Variants in TRIOBP observed in about 807,000 individuals in gnomAD.
The protein encoded by TRIOBP is TRIO and F-actin binding protein, also known as TRIO and F-actin-binding protein.
In TRIOBP, 169 loss-of-function variants were observed where a neutral mutation model predicts 238.8. The ratio of observed to expected loss-of-function variants is 0.71; its 90% CI spans 0.62 to 0.80. The LOEUF is 0.80. Ranked by LOEUF, TRIOBP falls within the 30% of genes least tolerant of loss-of-function variation. The pLI is 0.00. For missense variants in TRIOBP, 2,838 were observed against 3,122.6 expected (o/e 0.91, Z 2.17); for synonymous variants, 1,150 against 1,274.4 (o/e 0.90, Z 2.08).
Position 37,726,092 on chromosome 22 carries a change from G to A in TRIOBP, c.3536G>A (p.Arg1179His), listed in dbSNP as rs771635907. 123 of 1,554,884 alleles carry A rather than the reference G, an allele frequency of 7.9e-5. No homozygotes were observed. Among genetic ancestry groups the A allele is most frequent in the Middle Eastern group, 1.7e-4 (1 of 5,836 alleles). Residue 1179 changes from arginine to histidine, a missense_variant, in exon 7 of 24, where the codon CGC becomes CAC. Physicochemically the swap from Arg to His is conservative, Grantham distance 29. Coordinates refer to ENST00000644935, the MANE Select transcript of TRIOBP (RefSeq NM_001039141.3). Reference protein sequence around the residue: ...RDAPSFSSPPRQAPEPSLFFQ... With the variant: ...RDAPSFSSPPHQAPEPSLFFQ... ...GCACCCTCCTTCTCATCCCCACCAC[G>A]CCAGGCTCCTGAGCCATCCCTCTTC...
At position 37,725,312 on chromosome 22, in the gene TRIOBP, C is replaced by A. The variant is rs1325388429; in HGVS notation, c.2756C>A (p.Pro919His). 6.2e-7 allele frequency: 1 copy of A among 1,613,882 alleles called. No individual in the cohort carries two copies. Among genetic ancestry groups the A allele is most frequent in the South Asian group, 1.1e-5 (1 of 91,076 alleles). Residue 919 changes from proline to histidine, a missense_variant, in exon 7 of 24, where the codon CCC becomes CAC. Around this residue, in one of 5 missense-constraint regions of TRIOBP, gnomAD observed 2,096 missense variants for 2,137.4 expected, o/e 0.98. Transcript: ENST00000644935. ...FPLRPTQSDG[P>H]RTSSPSRSKQ... The stretch of plus-strand genomic sequence containing the variant: ...CTCCGGCCAACTCAGAGTGATGGTC[C>A]CCGAACCTCTTCCCCATCTCGCTCC...
At chr22:37,720,542 G>GT (rs1489211749) in intron 6 of TRIOBP, among the ~76,000 whole-genome samples, 2 of 152,170 alleles carry the variant, frequency 1.3e-5, no homozygotes, top group Non-Finnish European at 2.9e-5. Flanking sequence ...TTTAAAAAAA[G>GT]TCTCCCTGGA....
chr22:37,772,790 A>C (rs769189624), intron 23 of TRIOBP, 26 bp downstream of exon 23: 37 of 1,607,404 alleles, frequency 2.3e-5, no homozygotes, highest in Non-Finnish European at 3.1e-5. Context: ...TGTGCCCTGC[A>C]GGGTGGGCAG....
chr22:37,726,073 T>C lies in TRIOBP; in HGVS notation c.3517T>C (p.Ser1173Pro), dbSNP rs867570366. The change falls in exon 7 of 24, where the codon TCC becomes CCC. Residue 1173 changes from serine (S) to proline (P), a missense_variant. Coordinates refer to ENST00000644935, the MANE Select transcript of TRIOBP (RefSeq NM_001039141.3). ...PVCIGHRDAPSFSSPPRQAPE... is the reference protein window; with the variant it reads ...PVCIGHRDAPPFSSPPRQAPE... Reference sequence around the variant, plus strand: ...GTGCATTGGGCACCGGGATGCACCCTCCTTCTCATCCCCACCACGCCAGGC... The same window carrying C: ...GTGCATTGGGCACCGGGATGCACCCCCCTTCTCATCCCCACCACGCCAGGC... 4 of 1,579,462 alleles carry C rather than the reference T, an allele frequency of 2.5e-6. No homozygotes were observed. The highest frequency in any genetic ancestry group is 2.9e-5 in the African/African-American group (2 of 69,102).
At chr22:37,740,395 C>T (rs184404656) in intron 10 of TRIOBP, among the ~76,000 whole-genome samples, 14 of 152,322 alleles carry the variant, frequency 9.2e-5, no homozygotes, top group Admixed American at 2.6e-4. Flanking sequence ...ACAAACCTAA[C>T]GCCCTGAAGG....
In TRIOBP at chr22:37,713,414, G is replaced by A. The variant is rs764083607; in HGVS notation, c.456+3G>A. 1.2e-6 allele frequency: 2 copies of A among 1,612,338 alleles called. 1 individual carries two copies. The highest frequency in any genetic ancestry group is 2.2e-5 in the South Asian group (2 of 91,086). On this transcript the variant is annotated splice_donor_region_variant and intron_variant, in intron 5 of 23. Transcript: ENST00000644935. ...ATACCAGCAACTCGTCCTCTGTGGT[G>A]AGCCAGGAGTGGGAGTTTGGGGGAC...
intron 2 of TRIOBP, among the ~76,000 whole-genome samples, chr22:37,698,131 C>CAG (rs1223724772): frequency 7.1e-6 from 1 of 141,694 alleles, no homozygotes; most frequent in African/African-American, 2.6e-5. Context: ...ATCCGGGAGG[C>CAG]AGAGGTTGCA....
At chr22:37,732,107 CA>C (rs777382342) in intron 7 of TRIOBP, among the ~76,000 whole-genome samples, 4 of 152,140 alleles carry the variant, frequency 2.6e-5, no homozygotes, top group Admixed American at 6.5e-5. Context: ...GAGACCCAAC[CA>C]AAATAAACAT....
chr22:37,727,078 T>G (rs1176869395), intron 7 of TRIOBP, among the ~76,000 whole-genome samples: 1 of 151,646 alleles, frequency 6.6e-6, no homozygotes, highest in Admixed American at 6.6e-5. Flanking sequence ...GGCTAATTTT[T>G]TTGTATTTTT....
intron 15 of TRIOBP, among the ~76,000 whole-genome samples, chr22:37,756,376 G>A (rs558845361): frequency 1.4e-3 from 216 of 152,262 alleles, no homozygotes; most frequent in Non-Finnish European, 2.0e-3. Flanking sequence ...CCCGGAGGCC[G>A]AGTCCCCCAG....
chr22:37,741,723 A>T (rs576344786), intron 11 of TRIOBP, among the ~76,000 whole-genome samples: 29 of 152,296 alleles, frequency 1.9e-4, no homozygotes, highest in Admixed American at 1.6e-3. Context: ...AGGCCCAGGG[A>T]GGTGAGCTGA....
At position 37,765,831 on chromosome 22, in the gene TRIOBP, G is replaced by GA. The variant is rs546389039; in HGVS notation, c.6472+14_6472+15insA. 3.1e-5 allele frequency: 49 copies of GA among 1,585,926 alleles called. No homozygotes were observed. The highest frequency in any genetic ancestry group is 3.7e-5 in the Non-Finnish European group (43 of 1,170,412). Reference sequence around the variant, plus strand: ...CCACGGCCTCAGGTATGGACCCTGGGGGGGGCACAGTGGGCTGGGCTCTGA... The same window carrying GA: ...CCACGGCCTCAGGTATGGACCCTGGGAGGGGGCACAGTGGGCTGGGCTCTGA... On this transcript the variant is annotated intron_variant, in intron 18 of 23. Transcript: ENST00000644935.
intron 11 of TRIOBP, among the ~76,000 whole-genome samples, chr22:37,745,913 C>G (rs1192095767): frequency 6.6e-6 from 1 of 152,088 alleles, no homozygotes; most frequent in Non-Finnish European, 1.5e-5. Flanking sequence ...CCGCCCGCAT[C>G]CTCCGCCCCC....
chr22:37,715,920 G>T lies in TRIOBP; in HGVS notation c.614G>T (p.Gly205Val). The change falls in exon 6 of 24, where the codon GGC becomes GTC. Residue 205 changes from glycine to valine, a missense_variant. Gly to Val is a moderately radical substitution (Grantham distance 109). Transcript: ENST00000644935. ...TCCCCTGTGGGAGGAGATGCTGCAGGCCAGAAAAAGGAGGGTGAGTCCTTC... is the reference window on the plus strand; with the variant it reads ...TCCCCTGTGGGAGGAGATGCTGCAGTCCAGAAAAAGGAGGGTGAGTCCTTC... ...TRSPVGGDAAGQKKEDTGGGG... is the reference protein window; with the variant it reads ...TRSPVGGDAAVQKKEDTGGGG... 6.2e-7 allele frequency: 1 copy of T among 1,612,776 alleles called. No homozygotes were observed. The highest frequency in any genetic ancestry group is 8.5e-7 in the Non-Finnish European group (1 of 1,179,824).
chr22:37,728,218 T>C (rs969385014), intron 7 of TRIOBP, among the ~76,000 whole-genome samples: 3 of 138,898 alleles, frequency 2.2e-5, no homozygotes, highest in Non-Finnish European at 4.5e-5. Context: ...GCCAAGATCA[T>C]GCCACTACAC....
At position 37,754,914 on chromosome 22, in the gene TRIOBP, A is replaced by G; in HGVS notation, c.5417A>G (p.Gln1806Arg). 2 of 1,614,060 alleles carry G rather than the reference A, an allele frequency of 1.2e-6. No homozygotes were observed. Among genetic ancestry groups the G allele is most frequent in the Non-Finnish European group, 1.7e-6 (2 of 1,180,004 alleles). ...TCGCTCACCACCACCTCTACTTCGC[A>G]GTGGAAGAAACATTGGTTTGTGCTG... is the stretch of plus-strand genomic sequence containing the variant. Reference protein sequence around the residue: ...SPSLTTTSTSQWKKHWFVLTD... With the variant: ...SPSLTTTSTSRWKKHWFVLTD... The change falls in exon 13 of 24, where the codon CAG (glutamine) becomes CGG (arginine). Residue 1806 changes from glutamine (Q) to arginine (R), a missense_variant. Around this residue, in one of 5 missense-constraint regions of TRIOBP, gnomAD observed 2,096 missense variants for 2,137.4 expected, o/e 0.98. Coordinates refer to ENST00000644935, the MANE Select transcript of TRIOBP (RefSeq NM_001039141.3).
chr22:37,712,199 T>C, intron 4 of TRIOBP, among the ~76,000 whole-genome samples: 1 of 152,206 alleles, frequency 6.6e-6, no homozygotes, highest in Admixed American at 6.5e-5. Context: ...ATTATTATTA[T>C]TATTTTGAGA....
chr22:37,751,497 G>C, intron 11 of TRIOBP: 1 of 527,550 alleles, frequency 1.9e-6, no homozygotes, highest in Non-Finnish European at 3.4e-6. Flanking sequence ...CGGCTGGAGA[G>C]AGGCCCCTGG....
In TRIOBP at chr22:37,772,681, C is replaced by A; in HGVS notation, c.7017C>A (p.Ile2339=). 3.1e-6 allele frequency: 5 copies of A among 1,614,088 alleles called. No homozygotes were observed. Among genetic ancestry groups the A allele is most frequent in the South Asian group, 1.1e-5 (1 of 91,082 alleles). The change falls in exon 23 of 24, where the codon ATC becomes ATA. Residue 2339 remains isoleucine, a synonymous_variant. Coordinates refer to ENST00000644935, the MANE Select transcript of TRIOBP (RefSeq NM_001039141.3). ...TCAAGACACGGTCTGAGCGGGAGAT[C>A]GAGCAGCTGAAGGAGCACCTGCGTC... ...SHIKTRSERE[I]EQLKEHLRLA...
Sources: gnomAD v4.1 joint callset for allele counts (sites outside exome capture counted in the v4.1 genomes callset) on GRCh38, gnomAD v4.1.1 for gene constraint, gnomAD v4.1.1 regional missense constraint, MANE v1.5 for transcripts, NCBI Gene and HGNC (gene_info 2026-07-23, HGNC 2026-07-21) for gene names.